DSTYK: variants seen among roughly 807,000 people sequenced by gnomAD.
DSTYK encodes dual serine/threonine and tyrosine protein kinase, also known as RIP-homologous kinase.
Under a neutral mutation model 98.7 loss-of-function variants are expected in DSTYK, and 34 were observed. That is an observed-to-expected ratio of 0.34 (90% confidence interval 0.26 to 0.46). The LOEUF (loss-of-function observed/expected upper bound fraction) is 0.46. Among genes scored for constraint, DSTYK ranks in the 20% least tolerant of loss-of-function variants. DSTYK has a pLI of 1.00. For synonymous variants in DSTYK, 462 were observed against 457.3 expected (o/e 1.01, Z -0.13); for missense variants, 962 against 1,181.7 (o/e 0.81, Z 2.73).
At position 205,187,562 on chromosome 1, in the gene DSTYK, C is replaced by T. The variant is rs778016413; in HGVS notation, c.510G>A (p.Gln170=). 2 of 1,614,196 alleles carry T rather than the reference C, an allele frequency of 1.2e-6. No homozygotes were observed. The change falls in exon 2 of 13, where the codon CAG becomes CAA. Residue 170 remains glutamine (Q), a synonymous_variant. Coordinates refer to ENST00000367162, the MANE Select transcript of DSTYK (RefSeq NM_015375.3). ...QTRVSLALPG[Q]YELVHTLVAH... ...CAACCAGCGTGTGCACTAGTTCATA[C>T]TGTCCAGGGAGCGCCAGGCTGACCC...
rs1657178547 is a variant in DSTYK at position 205,144,916 on chromosome 1, T to C, written c.*2642A>G. 1 of 152,204 alleles carries C rather than the reference T, an allele frequency of 6.6e-6. No individual in the cohort carries two copies. Among genetic ancestry groups the C allele is most frequent in the South Asian group, 2.1e-4 (1 of 4,832 alleles). 9.4% of individuals were successfully genotyped at this position (152,204 alleles called of 1,614,324 possible). On this transcript the variant is annotated 3_prime_UTR_variant, in exon 13 of 13. Transcript: ENST00000367162. ...AACCTCCCATATGTGAATGAGAGTATGAGCTAATACTTCCCAAGAATGCTA... is the reference window on the plus strand; with the variant it reads ...AACCTCCCATATGTGAATGAGAGTACGAGCTAATACTTCCCAAGAATGCTA...
chr1:205,160,322 C>A (rs1355010673), intron 7 of DSTYK, 52 bp from the exon 8 acceptor site: 2 of 1,483,332 alleles, frequency 1.3e-6, no homozygotes, highest in Non-Finnish European at 9.2e-7. Context: ...ACTTCGTGGG[C>A]AACCTCTGTA....
chr1:205,207,945 C>T (rs749410559), intron 1 of DSTYK, among the ~76,000 whole-genome samples: 4 of 151,934 alleles, frequency 2.6e-5, no homozygotes, highest in African/African-American at 7.2e-5. Flanking sequence ...GGCGTGATTT[C>T]GGCTCACCAC....
At chr1:205,170,234 C>T (rs763171135) in intron 2 of DSTYK, among the ~76,000 whole-genome samples, 1 of 152,150 alleles carries the variant, frequency 6.6e-6, no homozygotes, top group Non-Finnish European at 1.5e-5. Flanking sequence ...ACTCCTCCCC[C>T]TCTTGCTCTC....
chr1:205,199,769 T>C (rs1473103238), intron 1 of DSTYK, among the ~76,000 whole-genome samples: 1 of 152,188 alleles, frequency 6.6e-6, no homozygotes, highest in Non-Finnish European at 1.5e-5. Flanking sequence ...CCGTCATCCC[T>C]AGAGGCTATT....
intron 2 of DSTYK, among the ~76,000 whole-genome samples, chr1:205,172,119 G>A (rs1257724335): frequency 6.6e-6 from 1 of 152,022 alleles, no homozygotes. Context: ...ACCACGCCCG[G>A]CTAATTTTTG....
intron 6 of DSTYK, among the ~76,000 whole-genome samples, 188 bp from the exon 7 acceptor site, chr1:205,161,575 G>T (rs1435300697): frequency 1.3e-5 from 2 of 152,178 alleles, no homozygotes; most frequent in Non-Finnish European, 2.9e-5. Flanking sequence ...TTTCCTCCTG[G>T]ATGCATACTC....
chr1:205,186,562 T>A (rs185424516), intron 2 of DSTYK, among the ~76,000 whole-genome samples: 1 of 152,200 alleles, frequency 6.6e-6, no homozygotes, highest in Non-Finnish European at 1.5e-5. Flanking sequence ...AACTAGCCCA[T>A]CCTTCCTGGC....
intron 1 of DSTYK, among the ~76,000 whole-genome samples, chr1:205,194,085 G>A (rs181938062): frequency 1.3e-5 from 2 of 152,288 alleles, no homozygotes; most frequent in Admixed American, 1.3e-4. Context: ...ATTAGATCAT[G>A]TCCTACTGTC....
In DSTYK at chr1:205,142,878, C is replaced by T. The variant is rs574563530; in HGVS notation, c.*4680G>A. 6.6e-6 allele frequency: 1 copy of T among 152,316 alleles called. No individual in the cohort carries two copies. The highest frequency in any genetic ancestry group is 1.5e-5 in the Non-Finnish European group (1 of 68,042). The allele number at this position is 152,316 out of a possible 1,614,324, so 9.4% of individuals were successfully genotyped here. ...GACAAAAGACAACAGGCTGCCCAGA[C>T]CAATTTTCTTTTCAACTATCTGGGC... On this transcript the variant is annotated 3_prime_UTR_variant, in exon 13 of 13. Coordinates refer to ENST00000367162, the MANE Select transcript of DSTYK (RefSeq NM_015375.3).
intron 1 of DSTYK, among the ~76,000 whole-genome samples, chr1:205,207,755 CAAAAAAAAAAAAAAAAAAAAA>C (rs766036213): frequency 0.012 from 620 of 52,726 alleles, 23 homozygotes; most frequent in Non-Finnish European, 0.015. Flanking sequence ...GACTCTGTCT[CAAAAAAAAAAAAAAAAAAAAA>C]AAAAAAAAAA....
At chr1:205,202,606 G>C (rs771473408) in intron 1 of DSTYK, 1 of 1,120,202 alleles carries the variant, frequency 8.9e-7, no homozygotes, top group East Asian at 2.3e-5. Flanking sequence ...TAACCCATAC[G>C]TGAGCTCTCT....
intron 2 of DSTYK, among the ~76,000 whole-genome samples, chr1:205,178,153 T>C (rs1658287139): frequency 6.6e-6 from 1 of 152,098 alleles, no homozygotes; most frequent in South Asian, 2.1e-4. Flanking sequence ...ATAGAAAGCA[T>C]GAGACAATCA....
rs544008986 is a variant in DSTYK at position 205,166,029 on chromosome 1, A to AG, written c.1325-2075_1325-2074insC. Among the ~76,000 whole-genome samples the AG allele has an allele frequency of 4.1e-4, 63 of 152,162 alleles. No individual in the cohort carries two copies. In the South Asian group the frequency reaches 0.012, roughly 30 times the overall value. ...AGAACAAGATCCTGTCTCAAAAAAA[A>AG]ATAAATAAATAAAAATAAAAAACAA... On this transcript the variant is annotated intron_variant, in intron 3 of 12. Coordinates refer to ENST00000367162, the MANE Select transcript of DSTYK (RefSeq NM_015375.3).
chr1:205,209,908 T>C (rs1373644878), intron 1 of DSTYK, among the ~76,000 whole-genome samples: 3 of 151,664 alleles, frequency 2.0e-5, no homozygotes, highest in African/African-American at 7.3e-5. Flanking sequence ...ATTATTATTA[T>C]TATTATTATT....
chr1:205,201,167 A>C (rs1468610962), intron 1 of DSTYK, among the ~76,000 whole-genome samples: 6 of 152,106 alleles, frequency 3.9e-5, no homozygotes, highest in Non-Finnish European at 7.4e-5. Context: ...GGCCTCCCAA[A>C]GTGCTGGGAT....
rs770083231 is a variant in DSTYK, at chr1:205,163,804, G to A, written c.1476C>T (p.Val492=). The change falls in exon 4 of 13, where the codon GTC becomes GTT. Residue 492 remains valine (V), a synonymous_variant. Transcript: ENST00000367162. ...TCTGCAGACATCGTTCCAGGGTTCC[G>A]ACGAAGCTTTCCCTCAGGTAATCCA... is the stretch of plus-strand genomic sequence containing the variant. The part of the protein sequence containing the change: ...SSVDYLRESF[V]GTLERCLQSL... 6.2e-6 allele frequency: 10 copies of A among 1,614,114 alleles called. No individual in the cohort carries two copies. The highest frequency in any genetic ancestry group is 2.2e-5 in the South Asian group (2 of 91,074).
At chr1:205,206,222 G>A (rs1442951397) in intron 1 of DSTYK, among the ~76,000 whole-genome samples, 1 of 151,646 alleles carries the variant, frequency 6.6e-6, no homozygotes, top group African/African-American at 2.4e-5. Context: ...GGTATTTATT[G>A]AATAATAGCT....
At chr1:205,153,434 T>C (rs1657459257) in intron 10 of DSTYK, among the ~76,000 whole-genome samples, 1 of 152,130 alleles carries the variant, frequency 6.6e-6, no homozygotes, top group Non-Finnish European at 1.5e-5. Context: ...AAGACTATTC[T>C]AGATTAAAGG....
Sources: allele counts gnomAD v4.1 joint callset (sites outside exome capture counted in the v4.1 genomes callset), GRCh38; gene constraint gnomAD v4.1.1; transcripts MANE v1.5; gene names NCBI Gene and HGNC (gene_info 2026-07-23, HGNC 2026-07-21).